Variants in RHOBTB2 observed in about 807,000 individuals in gnomAD.
RHOBTB2 encodes the protein rho-related BTB domain-containing protein 2.
Under a neutral mutation model 66.5 loss-of-function variants are expected in RHOBTB2, and 39 were observed. The ratio of observed to expected loss-of-function variants is 0.59; its 90% confidence interval spans 0.45 to 0.77. The LOEUF is 0.77. RHOBTB2 is among the 30% of genes least tolerant of loss of function. RHOBTB2 has a pLI of 0.00. For synonymous variants in RHOBTB2, 390 were observed against 395.0 expected, an observed-to-expected ratio of 0.99 and a Z score of 0.15; for missense variants, 755 against 999.1, an observed-to-expected ratio of 0.76 and a Z score of 3.29.
chr8:23,007,211 C>G lies in RHOBTB2; in HGVS notation c.966C>G (p.His322Gln), dbSNP rs1810990137. The change falls in exon 5 of 10, where the codon CAC becomes CAG. Residue 322 changes from histidine (H) to glutamine (Q), a missense_variant. Physicochemically the swap from His to Gln is conservative, Grantham distance 24. Coordinates refer to ENST00000251822, the MANE Select transcript of RHOBTB2 (RefSeq NM_015178.3). ...CCCACCCAGAGGACCACCAGGGCCA[C>G]TCTGATCAACACCACCACCATCACC... ...GGTHPEDHQG[H>Q]SDQHHHHHHH... 6.2e-7 allele frequency: 1 copy of G among 1,606,972 alleles called. No homozygotes were observed. The highest frequency in any genetic ancestry group is 1.3e-5 in the African/African-American group (1 of 74,914).
the RHOBTB2 span, among the ~76,000 whole-genome samples, chr8:22,962,014 A>G: frequency 6.6e-6 from 1 of 152,010 alleles, no homozygotes; most frequent in African/African-American, 2.4e-5. Flanking sequence ...TTTACGGAAA[A>G]GCCAGGTGCA....
chr8:22,952,611 C>T, the RHOBTB2 span, among the ~76,000 whole-genome samples: 1 of 152,028 alleles, frequency 6.6e-6, no homozygotes. Flanking sequence ...AAGTGTATTC[C>T]AAAGCTTTTG....
upstream of RHOBTB2, among the ~76,000 whole-genome samples, chr8:22,995,097 T>C (rs542246295): frequency 6.6e-6 from 1 of 152,222 alleles, no homozygotes; most frequent in South Asian, 2.1e-4. Flanking sequence ...CATTATCTTT[T>C]TTAAAAATTT....
At chr8:22,985,469 T>C (rs574013214), upstream of RHOBTB2, among the ~76,000 whole-genome samples, 4 of 152,342 alleles carry the variant, frequency 2.6e-5, no homozygotes, top group African/African-American at 9.6e-5. Context: ...AAGGAGTGTC[T>C]TTCTCCTTGA....
At position 23,004,389 on chromosome 8, in the gene RHOBTB2, C is replaced by G; in HGVS notation, c.-10-36C>G. ...CCCTGGCCCACGGCGAGCTGGCATG[C>G]CATGCCGTCCTGACCGCCTCCCTCC... On this transcript the variant is annotated intron_variant, in intron 1 of 9. Coordinates refer to ENST00000251822, the MANE Select transcript of RHOBTB2 (RefSeq NM_015178.3). This position sits in a 1 kb window ranked among gnomAD's most constrained non-coding sequence, Gnocchi z 6.4. 1 of 1,583,128 alleles carries G rather than the reference C, an allele frequency of 6.3e-7. No homozygotes were observed. The highest frequency in any genetic ancestry group is 8.7e-7 in the Non-Finnish European group (1 of 1,152,512).
the RHOBTB2 span, among the ~76,000 whole-genome samples, chr8:22,972,746 T>C: frequency 6.6e-6 from 1 of 152,232 alleles, no homozygotes; most frequent in African/African-American, 2.4e-5. Flanking sequence ...GACAACTGGC[T>C]TTTCTGACCT....
chr8:22,966,551 A>G, the RHOBTB2 span, among the ~76,000 whole-genome samples: 1 of 150,654 alleles, frequency 6.6e-6, no homozygotes. Flanking sequence ...TTGGGAAGCC[A>G]GGGTCGGAGG....
At chr8:23,011,597 C>A (rs1811150277) in intron 7 of RHOBTB2, among the ~76,000 whole-genome samples, 1 of 152,180 alleles carries the variant, frequency 6.6e-6, no homozygotes, top group African/African-American at 2.4e-5. Flanking sequence ...TGGGGGAGAG[C>A]CAGCGGCAGG....
rs1426562619 is a variant in RHOBTB2 at position 23,004,852 on chromosome 8, G to T, written c.192+226G>T. The T allele has an allele frequency of 3.4e-6, 2 of 585,368 alleles. No homozygotes were observed. The highest frequency in any genetic ancestry group is 3.7e-5 in the African/African-American group (2 of 53,612). 36.3% of individuals were successfully genotyped at this position (585,368 alleles called of 1,614,324 possible). A position where few individuals can be genotyped will look rare whatever the true frequency, so the allele number is the denominator to read the frequency against. ...TTGTGTTTTCAGGGACTGAGCTGGT[G>T]CCTGGGACTCCATCTTTGTCTGGGG... On this transcript the variant is annotated intron_variant, in intron 2 of 9. Transcript: ENST00000251822. The surrounding 1 kb of genome is among the most constrained non-coding windows in gnomAD (Gnocchi z 6.4).
chr8:22,990,140 T>C (rs1810388995), intron 1 of RHOBTB2, among the ~76,000 whole-genome samples: 1 of 152,196 alleles, frequency 6.6e-6, no homozygotes, highest in Non-Finnish European at 1.5e-5. Context: ...CACCATCTCT[T>C]GCACAGGGTG....
Position 23,004,324 on chromosome 8 carries a change from C to A in RHOBTB2, c.-10-101C>A. The A allele has an allele frequency of 1.0e-6, 1 of 996,778 alleles. No homozygotes were observed. The allele number at this position is 996,778 out of a possible 1,614,324, so 61.7% of individuals were successfully genotyped here. On this transcript the variant is annotated intron_variant, in intron 1 of 9. Transcript: ENST00000251822. This position sits in a 1 kb window ranked among gnomAD's most constrained non-coding sequence, Gnocchi z 6.4. ...CTCCTCCTGTCAGCTCCGGGGCTTG[C>A]AGAGGGGGCAGCCTGGCTGAGGAGA...
At chr8:22,955,754 G>A in the RHOBTB2 span, among the ~76,000 whole-genome samples, 188 of 151,962 alleles carry the variant, frequency 1.2e-3, no homozygotes, top group African/African-American at 4.3e-3. Context: ...ATTATTTGTA[G>A]AGATGCGGTC....
chr8:23,009,400 G>A (rs1000544354), intron 6 of RHOBTB2, among the ~76,000 whole-genome samples: 1 of 152,126 alleles, frequency 6.6e-6, no homozygotes, highest in African/African-American at 2.4e-5. Context: ...AGAGTAGCCT[G>A]GGCAGTAGCC....
At chr8:22,979,031 A>T in the RHOBTB2 span, among the ~76,000 whole-genome samples, 11 of 152,194 alleles carry the variant, frequency 7.2e-5, no homozygotes, top group Admixed American at 4.6e-4. Flanking sequence ...TTAACATACC[A>T]AGTTGCAACT....
At chr8:22,990,395 C>A (rs1283763599) in intron 1 of RHOBTB2, among the ~76,000 whole-genome samples, 1 of 152,192 alleles carries the variant, frequency 6.6e-6, no homozygotes, top group Non-Finnish European at 1.5e-5. Flanking sequence ...TGGGAGGCAG[C>A]CTGCAGGCAG....
chr8:22,978,791 A>G, the RHOBTB2 span, among the ~76,000 whole-genome samples: 1 of 152,224 alleles, frequency 6.6e-6, no homozygotes, highest in African/African-American at 2.4e-5. Context: ...CAAAAAACAT[A>G]TAACAGTATA....
At chr8:22,973,754 G>A in the RHOBTB2 span, among the ~76,000 whole-genome samples, 5 of 152,216 alleles carry the variant, frequency 3.3e-5, no homozygotes, top group African/African-American at 1.2e-4. Flanking sequence ...GTCAGAGGCA[G>A]AGGCTGCTTA....
upstream of RHOBTB2, among the ~76,000 whole-genome samples, chr8:22,987,220 C>T (rs1032486935): frequency 6.6e-6 from 1 of 152,196 alleles, no homozygotes; most frequent in Non-Finnish European, 1.5e-5. Flanking sequence ...GGGCCAGGGG[C>T]TGGGCCAGGC....
the RHOBTB2 span, among the ~76,000 whole-genome samples, chr8:22,979,480 G>A: frequency 6.6e-6 from 1 of 152,032 alleles, no homozygotes; most frequent in East Asian, 1.9e-4. Flanking sequence ...GTGGATGTGT[G>A]TGTGTGCACG....
Sources: allele counts gnomAD v4.1 joint callset (sites outside exome capture counted in the v4.1 genomes callset), GRCh38; gene constraint gnomAD v4.1.1; non-coding constraint Gnocchi (gnomAD v3.1); transcripts MANE v1.5; gene names NCBI Gene and HGNC (gene_info 2026-07-23, HGNC 2026-07-21).